RNF38: variants seen among roughly 807,000 people sequenced by gnomAD.
The protein encoded by RNF38 is ring finger protein 38.
RNF38 carries 15 observed loss-of-function variants against 67.2 expected under a neutral mutation model. The ratio of observed to expected loss-of-function variants is 0.22; its 90% CI spans 0.15 to 0.34. RNF38 has a LOEUF of 0.34. RNF38 is among the 10% of genes least tolerant of loss of function. The probability of loss-of-function intolerance (pLI) is 1.00; values close to 1 mark genes in which losing one functional copy is unlikely to be tolerated. For missense variants in RNF38, 524 were observed against 639.9 expected (o/e 0.82, Z 1.95); for synonymous variants, 220 against 218.8 (o/e 1.01, Z -0.05).
At chr9:36,347,933 G>A (rs950231166) in intron 9 of RNF38, among the ~76,000 whole-genome samples, 5 of 152,030 alleles carry the variant, frequency 3.3e-5, no homozygotes, top group African/African-American at 9.7e-5. Context: ...AAAATGAGCC[G>A]GTCATGGTGG....
At chr9:36,361,140 A>G (rs1220648325) in intron 4 of RNF38, among the ~76,000 whole-genome samples, 1 of 151,926 alleles carries the variant, frequency 6.6e-6, no homozygotes, top group African/African-American at 2.4e-5. Flanking sequence ...TGCTGAATCC[A>G]AGACATCAGA....
At chr9:36,435,889 A>C (rs867764711) in intron 1 of RNF38, among the ~76,000 whole-genome samples, 1 of 152,126 alleles carries the variant, frequency 6.6e-6, no homozygotes, top group Non-Finnish European at 1.5e-5. Flanking sequence ...TCAGCCTCCC[A>C]AAGTGCTGGG....
At chr9:36,391,992 G>A (rs569308362) in intron 1 of RNF38, among the ~76,000 whole-genome samples, 1 of 152,294 alleles carries the variant, frequency 6.6e-6, no homozygotes, top group South Asian at 2.1e-4. Context: ...TTATGGTAAC[G>A]CTAGGCACTA....
At chr9:36,478,129 A>G (rs920513214) in intron 1 of RNF38, among the ~76,000 whole-genome samples, 2 of 152,182 alleles carry the variant, frequency 1.3e-5, no homozygotes, top group Admixed American at 6.5e-5. Context: ...ATCATGACGT[A>G]GAATGGTTGA....
chr9:36,391,916 T>G (rs1429349205), intron 1 of RNF38, among the ~76,000 whole-genome samples: 1 of 152,216 alleles, frequency 6.6e-6, no homozygotes, highest in Admixed American at 6.5e-5. Flanking sequence ...CCCGGCCCGT[T>G]TCCTACTTTC....
intron 1 of RNF38, among the ~76,000 whole-genome samples, chr9:36,431,911 T>C (rs1053087641): frequency 6.6e-6 from 1 of 152,144 alleles, no homozygotes; most frequent in African/African-American, 2.4e-5. Context: ...AACTCAGGTA[T>C]AGCTGAAAGG....
intron 2 of RNF38, among the ~76,000 whole-genome samples, chr9:36,423,471 G>A (rs992019239): frequency 1.1e-4 from 16 of 152,174 alleles, no homozygotes; most frequent in Non-Finnish European, 2.2e-4. Flanking sequence ...GTCTGCACTG[G>A]AAACTACCAA....
At chr9:36,477,321 G>A (rs1236739437) in intron 1 of RNF38, among the ~76,000 whole-genome samples, 1 of 146,750 alleles carries the variant, frequency 6.8e-6, no homozygotes, top group East Asian at 2.0e-4. Context: ...AGACTCGTCT[G>A]GAAAAAAAAA....
chr9:36,358,068 A>G (rs148831259), intron 4 of RNF38, 126 bp from the exon 5 acceptor site: 1 of 686,052 alleles, frequency 1.5e-6, no homozygotes, highest in African/African-American at 1.8e-5. Flanking sequence ...TGTACTCTCC[A>G]ATAGTTTCGA....
At chr9:36,372,631 A>G in intron 3 of RNF38, 1 of 655,702 alleles carries the variant, frequency 1.5e-6, no homozygotes. Context: ...ATACAGAGTA[A>G]GACACACTGC....
intron 2 of RNF38, among the ~76,000 whole-genome samples, chr9:36,385,231 G>A (rs542042381): frequency 6.6e-6 from 1 of 152,194 alleles, no homozygotes; most frequent in East Asian, 1.9e-4. Flanking sequence ...TTTGTTATGA[G>A]AGGAAAAGTG....
chr9:36,415,759 G>C (rs1014948919), intron 2 of RNF38, among the ~76,000 whole-genome samples: 11 of 152,268 alleles, frequency 7.2e-5, no homozygotes, highest in Admixed American at 7.2e-4. Context: ...TGGTAGTTTT[G>C]TTTAGTGCAC....
chr9:36,481,117 C>T (rs1004534663), intron 1 of RNF38, among the ~76,000 whole-genome samples: 3 of 150,836 alleles, frequency 2.0e-5, no homozygotes, highest in South Asian at 2.1e-4. Context: ...TGGGTTCAAG[C>T]GATTCTCCTG....
intron 3 of RNF38, among the ~76,000 whole-genome samples, chr9:36,372,045 C>T (rs1034091984): frequency 1.3e-5 from 2 of 151,976 alleles, no homozygotes; most frequent in Admixed American, 1.3e-4. Flanking sequence ...ATTCTCCTGC[C>T]TCAGCCTCCC....
chr9:36,464,452 T>A (rs1839813500), intron 1 of RNF38, among the ~76,000 whole-genome samples: 1 of 151,642 alleles, frequency 6.6e-6, no homozygotes, highest in African/African-American at 2.4e-5. Context: ...ACACCTGTAA[T>A]CCCAGCTACT....
At chr9:36,412,890 T>C (rs913045963) in intron 2 of RNF38, among the ~76,000 whole-genome samples, 1 of 152,122 alleles carries the variant, frequency 6.6e-6, no homozygotes, top group Admixed American at 6.5e-5. Context: ...CTGACCAACA[T>C]GGTGAAACCC....
intron 2 of RNF38, among the ~76,000 whole-genome samples, chr9:36,381,833 G>A (rs1310437197): frequency 6.6e-6 from 1 of 152,078 alleles, no homozygotes; most frequent in East Asian, 1.9e-4. Flanking sequence ...CATTTCCTTG[G>A]GACCTCCTGA....
intron 1 of RNF38, among the ~76,000 whole-genome samples, chr9:36,482,614 A>C (rs1050608621): frequency 6.6e-6 from 1 of 152,134 alleles, no homozygotes; most frequent in Non-Finnish European, 1.5e-5. Flanking sequence ...CGGCCTCCCA[A>C]AGTGCTGGGA....
intron 1 of RNF38, among the ~76,000 whole-genome samples, chr9:36,395,754 C>G (rs528375564): frequency 1.3e-5 from 2 of 152,170 alleles, no homozygotes. Flanking sequence ...TGAATATGGT[C>G]ACCACAGCAC....
Sources: allele counts gnomAD v4.1 joint callset (sites outside exome capture counted in the v4.1 genomes callset), GRCh38; gene constraint gnomAD v4.1.1; transcripts MANE v1.5; gene names NCBI Gene and HGNC (gene_info 2026-07-23, HGNC 2026-07-21).